The following FGGY variants were observed in gnomAD, a reference collection of about 807,000 sequenced individuals.
FGGY encodes the protein FGGY carbohydrate kinase domain containing.
A neutral mutation model predicts 71.3 loss-of-function variants in FGGY; 72 were observed. That is an observed-to-expected ratio of 1.01 (90% CI 0.84 to 1.23). The LOEUF (loss-of-function observed/expected upper bound fraction) is 1.23, where lower values mean the gene tolerates loss of function less well. Ranked by LOEUF, FGGY falls within the 50% of genes most tolerant of loss-of-function variation. The pLI is 0.00. For missense variants in FGGY, 668 were observed against 682.3 expected, an observed-to-expected ratio of 0.98 and a Z score of 0.23; for synonymous variants, 251 against 250.3, an observed-to-expected ratio of 1.00 and a Z score of -0.02.
chr1:59,689,975 G>A (rs2097576501), intron 14 of FGGY, among the ~76,000 whole-genome samples: 1 of 152,180 alleles, frequency 6.6e-6, no homozygotes, highest in African/African-American at 2.4e-5. Context: ...GGCCCTTTCA[G>A]TTTCACCTGT....
At chr1:59,349,471 C>A (rs927927470) in intron 4 of FGGY, among the ~76,000 whole-genome samples, 2 of 152,174 alleles carry the variant, frequency 1.3e-5, no homozygotes, top group African/African-American at 4.8e-5. Flanking sequence ...CCCAGGAGAT[C>A]TAAATGCATA....
intron 5 of FGGY, among the ~76,000 whole-genome samples, chr1:59,398,940 A>C (rs890171600): frequency 6.6e-6 from 1 of 152,214 alleles, no homozygotes; most frequent in Non-Finnish European, 1.5e-5. Context: ...ATGTGGCTTC[A>C]AAATGTGGAT....
chr1:59,366,021 G>C (rs2056522400), intron 4 of FGGY, among the ~76,000 whole-genome samples: 1 of 152,158 alleles, frequency 6.6e-6, no homozygotes, highest in Admixed American at 6.5e-5. Flanking sequence ...CTTCAGCCTT[G>C]TTTTCCTAAT....
chr1:59,307,577 A>C (rs2043638719), intron 1 of FGGY, among the ~76,000 whole-genome samples: 1 of 152,206 alleles, frequency 6.6e-6, no homozygotes, highest in African/African-American at 2.4e-5. Flanking sequence ...TGCAGAAAAG[A>C]TTAGCAAGGC....
intron 7 of FGGY, among the ~76,000 whole-genome samples, chr1:59,549,635 A>G (rs932230675): frequency 6.6e-6 from 1 of 152,248 alleles, no homozygotes; most frequent in African/African-American, 2.4e-5. Context: ...TTATATGGCT[A>G]TAAAGTGGGA....
chr1:59,527,296 TCCCTACTAGTG>T (rs1164596036), intron 7 of FGGY, among the ~76,000 whole-genome samples: 1 of 152,210 alleles, frequency 6.6e-6, no homozygotes, highest in African/African-American at 2.4e-5. Flanking sequence ...AATTATTTGC[TCCCTACTAGTG>T]CCTAGCACTT....
At chr1:59,396,261 T>C (rs2153391996) in intron 5 of FGGY, among the ~76,000 whole-genome samples, 1 of 152,330 alleles carries the variant, frequency 6.6e-6, no homozygotes, top group Non-Finnish European at 1.5e-5. Context: ...TTTGGGTGTC[T>C]CACTTTTGCA....
intron 8 of FGGY, among the ~76,000 whole-genome samples, chr1:59,569,792 A>G (rs2095948656): frequency 1.3e-5 from 2 of 152,160 alleles, no homozygotes; most frequent in African/African-American, 4.8e-5. Context: ...GTCAGAGCAG[A>G]TGTTTTCTTT....
intron 8 of FGGY, among the ~76,000 whole-genome samples, chr1:59,555,167 G>A (rs1485924046): frequency 6.6e-6 from 1 of 152,322 alleles, no homozygotes; most frequent in African/African-American, 2.4e-5. Flanking sequence ...AATGACATCG[G>A]CTCAGTGGGA....
intron 4 of FGGY, among the ~76,000 whole-genome samples, chr1:59,352,586 A>T (rs974859893): frequency 1.3e-5 from 2 of 151,560 alleles, no homozygotes; most frequent in Non-Finnish European, 2.9e-5. Context: ...TCCAATTGGT[A>T]GATTCTTTGG....
chr1:59,539,890 A>G (rs1011247391), intron 7 of FGGY, among the ~76,000 whole-genome samples: 1 of 152,248 alleles, frequency 6.6e-6, no homozygotes, highest in African/African-American at 2.4e-5. Flanking sequence ...ATGTCTACAC[A>G]TTAATGAGAA....
intron 14 of FGGY, among the ~76,000 whole-genome samples, chr1:59,682,624 C>T (rs1381827274): frequency 6.6e-6 from 1 of 152,212 alleles, no homozygotes; most frequent in Non-Finnish European, 1.5e-5. Flanking sequence ...TAACCCTATT[C>T]TCCCTCTCTC....
intron 8 of FGGY, among the ~76,000 whole-genome samples, chr1:59,598,409 T>C (rs1201556865): frequency 1.3e-5 from 2 of 152,228 alleles, no homozygotes; most frequent in East Asian, 1.9e-4. Context: ...TGATCACATA[T>C]GAGTTTCAAG....
At chr1:59,562,852 C>T (rs899218350) in intron 8 of FGGY, among the ~76,000 whole-genome samples, 6 of 152,074 alleles carry the variant, frequency 3.9e-5, no homozygotes, top group African/African-American at 7.2e-5. Context: ...TATGCTATGT[C>T]AAAACTTTCC....
intron 6 of FGGY, among the ~76,000 whole-genome samples, chr1:59,463,102 T>A (rs2092367650): frequency 6.6e-6 from 1 of 150,792 alleles, no homozygotes; most frequent in African/African-American, 2.5e-5. Context: ...ATGTGGCACA[T>A]ATACACCATG....
chr1:59,685,288 G>A (rs1030838131), intron 14 of FGGY, among the ~76,000 whole-genome samples: 4 of 152,056 alleles, frequency 2.6e-5, no homozygotes, highest in Non-Finnish European at 5.9e-5. Context: ...GTGACCCTTT[G>A]ACAGGTGGGG....
rs988095442 is a variant in FGGY, at chr1:59,512,353, T to C, written c.713T>C (p.Leu238Pro). 3.7e-6 allele frequency: 6 copies of C among 1,613,504 alleles called. No individual in the cohort carries two copies. In the Admixed American group the frequency reaches 6.7e-5, roughly 18 times the overall value. ...CCTGGAGCTTCTCTTGGAAATGGGC[T>C]CACACCAGAGGCAGCAAGAGACCTT... ...LPPGASLGNG[L>P]TPEAARDLGL... is the part of the protein sequence containing the mutation. Residue 238 changes from leucine (L) to proline (P), a missense_variant, in exon 7 of 16, where the codon CTC (leucine) becomes CCC (proline). This residue lies in a region of FGGY where 661 missense variants were observed against 661.6 expected (regional missense o/e 1.00). Transcript: ENST00000303721.
chr1:59,692,847 C>T (rs1318069530), intron 14 of FGGY, among the ~76,000 whole-genome samples: 1 of 152,146 alleles, frequency 6.6e-6, no homozygotes, highest in Non-Finnish European at 1.5e-5. Context: ...TCTCCTCTCC[C>T]GCGGCTAGAC....
chr1:59,689,932 T>C (rs1397736451), intron 14 of FGGY, among the ~76,000 whole-genome samples: 2 of 152,184 alleles, frequency 1.3e-5, no homozygotes, highest in Non-Finnish European at 2.9e-5. Context: ...GTGTGTTGGA[T>C]AGAGTTGACG....
Sources: gnomAD v4.1 joint callset for allele counts (sites outside exome capture counted in the v4.1 genomes callset) on GRCh38, gnomAD v4.1.1 for gene constraint, gnomAD v4.1.1 regional missense constraint, MANE v1.5 for transcripts, NCBI Gene and HGNC (gene_info 2026-07-23, HGNC 2026-07-21) for gene names.